Variants in TAS2R1 observed in about 807,000 individuals in gnomAD.
The protein encoded by TAS2R1 is taste receptor type 2 member 1.
For synonymous variants in TAS2R1, 141 were observed against 134.2 expected (o/e 1.05, Z -0.35); for missense variants, 370 against 353.4 (o/e 1.05, Z -0.38).
At chr5:9,784,935 C>T in the TAS2R1 span, among the ~76,000 whole-genome samples, 26 of 152,304 alleles carry the variant, frequency 1.7e-4, no homozygotes, top group South Asian at 5.4e-3. Context: ...ACATCCTACT[C>T]TGAGATCCTG....
chr5:9,820,025 G>A, the TAS2R1 span, among the ~76,000 whole-genome samples: 4 of 151,978 alleles, frequency 2.6e-5, no homozygotes, highest in African/African-American at 4.8e-5. Context: ...ACTTTGCCAT[G>A]CCTCAACCTC....
the TAS2R1 span, among the ~76,000 whole-genome samples, chr5:9,868,504 G>C: frequency 6.6e-6 from 1 of 152,164 alleles, no homozygotes; most frequent in Admixed American, 6.5e-5. Context: ...CAAGTTCCTA[G>C]GTTGCACACA....
chr5:9,818,968 G>A, the TAS2R1 span, among the ~76,000 whole-genome samples: 1 of 152,282 alleles, frequency 6.6e-6, no homozygotes, highest in African/African-American at 2.4e-5. Flanking sequence ...GGAACATAAT[G>A]ATTTAATGAC....
At chr5:9,657,625 G>C (rs1011608821) in intron 2 of TAS2R1, among the ~76,000 whole-genome samples, 2 of 152,184 alleles carry the variant, frequency 1.3e-5, no homozygotes, top group African/African-American at 2.4e-5. Context: ...ACATTAAGCT[G>C]AGTGAAACAA....
At chr5:9,869,694 G>A in the TAS2R1 span, among the ~76,000 whole-genome samples, 10 of 152,216 alleles carry the variant, frequency 6.6e-5, 1 homozygote, top group African/African-American at 2.4e-4. Context: ...TGCATCCTGT[G>A]TGACTCCACT....
the TAS2R1 span, among the ~76,000 whole-genome samples, chr5:9,832,501 T>C: frequency 2.6e-5 from 4 of 152,194 alleles, no homozygotes; most frequent in East Asian, 7.7e-4. Flanking sequence ...GGTTCTCCTG[T>C]AGCTGGAAAG....
the TAS2R1 span, among the ~76,000 whole-genome samples, chr5:9,790,269 T>C: frequency 6.6e-6 from 1 of 152,248 alleles, no homozygotes; most frequent in Non-Finnish European, 1.5e-5. Flanking sequence ...ACACATTTTA[T>C]ACCCTGCCAC....
chr5:9,886,237 G>T, the TAS2R1 span, among the ~76,000 whole-genome samples: 2 of 151,552 alleles, frequency 1.3e-5, no homozygotes, highest in African/African-American at 4.8e-5. Context: ...TCACCGTGTT[G>T]CCCAGGCTGG....
chr5:9,790,539 A>T, the TAS2R1 span, among the ~76,000 whole-genome samples: 8 of 152,200 alleles, frequency 5.3e-5, no homozygotes, highest in African/African-American at 1.9e-4. Flanking sequence ...TCACTTGCAC[A>T]TGTGTTGAAA....
chr5:9,736,548 C>T, the TAS2R1 span, among the ~76,000 whole-genome samples: 1 of 152,220 alleles, frequency 6.6e-6, no homozygotes, highest in Admixed American at 6.5e-5. Context: ...TGGCACCATT[C>T]TCCAGTTGGC....
At chr5:9,769,796 T>C in the TAS2R1 span, among the ~76,000 whole-genome samples, 22 of 152,212 alleles carry the variant, frequency 1.4e-4, no homozygotes, top group Admixed American at 2.6e-4. Context: ...TTGAGCTCCT[T>C]GTATATTCTG....
the TAS2R1 span, among the ~76,000 whole-genome samples, chr5:9,881,005 C>T: frequency 9.2e-5 from 14 of 152,034 alleles, no homozygotes; most frequent in African/African-American, 3.4e-4. Context: ...GAGGAGGAGC[C>T]ACAGTCTCCG....
chr5:9,790,325 T>C, the TAS2R1 span, among the ~76,000 whole-genome samples: 85 of 152,320 alleles, frequency 5.6e-4, no homozygotes, highest in African/African-American at 1.9e-3. Context: ...TTACTTTAAA[T>C]GCCAAAAATA....
chr5:9,786,910 C>A, the TAS2R1 span, among the ~76,000 whole-genome samples: 1 of 152,172 alleles, frequency 6.6e-6, no homozygotes, highest in Non-Finnish European at 1.5e-5. Context: ...CATCATTCTT[C>A]TCCTCTTATG....
At chr5:9,737,537 T>C in the TAS2R1 span, among the ~76,000 whole-genome samples, 1 of 152,214 alleles carries the variant, frequency 6.6e-6, no homozygotes, top group East Asian at 1.9e-4. Context: ...GTCTTCCCCT[T>C]CTGCAGGTCC....
chr5:9,721,120 T>C, the TAS2R1 span, among the ~76,000 whole-genome samples: 1 of 152,122 alleles, frequency 6.6e-6, no homozygotes, highest in African/African-American at 2.4e-5. Flanking sequence ...TTGGCAAAAA[T>C]TCTCTGACAG....
chr5:9,883,044 C>T, the TAS2R1 span, among the ~76,000 whole-genome samples: 1,727 of 152,160 alleles, frequency 0.011, 34 homozygotes, highest in African/African-American at 0.039. Context: ...ACTAGGTAGC[C>T]ATAAAAAGGA....
At chr5:9,758,416 C>T in the TAS2R1 span, among the ~76,000 whole-genome samples, 5 of 152,236 alleles carry the variant, frequency 3.3e-5, no homozygotes, top group South Asian at 4.1e-4. Context: ...TAGACACATA[C>T]GAACTCCGTG....
chr5:9,838,652 T>C, the TAS2R1 span, among the ~76,000 whole-genome samples: 2 of 152,232 alleles, frequency 1.3e-5, no homozygotes, highest in African/African-American at 2.4e-5. Flanking sequence ...TTCTGAGAGC[T>C]TTAAATGCTG....
Sources: gnomAD v4.1 joint callset for allele counts (sites outside exome capture counted in the v4.1 genomes callset) on GRCh38, gnomAD v4.1.1 for gene constraint, MANE v1.5 for transcripts, NCBI Gene and HGNC (gene_info 2026-07-23, HGNC 2026-07-21) for gene names.